The following CNTNAP5 variants were observed in gnomAD, a reference collection of about 807,000 sequenced individuals.
The protein encoded by CNTNAP5 is contactin-associated protein-like 5.
Under a neutral mutation model 150.2 loss-of-function variants are expected in CNTNAP5, and 72 were observed. The observed-to-expected ratio is 0.48, with a 90% CI of 0.40 to 0.58. CNTNAP5 has a LOEUF of 0.58. CNTNAP5 is among the 20% of genes least tolerant of loss of function. CNTNAP5 has a pLI of 0.00. For missense variants in CNTNAP5, 1,636 were observed against 1,626.2 expected (o/e 1.01, Z -0.10); for synonymous variants, 672 against 619.8 (o/e 1.08, Z -1.25).
intron 12 of CNTNAP5, among the ~76,000 whole-genome samples, chr2:124,611,829 A>G (rs1677390781): frequency 6.6e-6 from 1 of 152,190 alleles, no homozygotes; most frequent in African/African-American, 2.4e-5. Context: ...ATGGACAGCA[A>G]TTACTGAGCT....
chr2:124,292,025 T>C (rs1318399752), intron 3 of CNTNAP5, among the ~76,000 whole-genome samples: 1 of 152,152 alleles, frequency 6.6e-6, no homozygotes, highest in Non-Finnish European at 1.5e-5. Flanking sequence ...CTACACAGTT[T>C]TCATGTGGCC....
chr2:124,189,624 A>G (rs535530479), intron 1 of CNTNAP5, among the ~76,000 whole-genome samples: 1 of 152,320 alleles, frequency 6.6e-6, no homozygotes, highest in South Asian at 2.1e-4. Context: ...TAATTTTACC[A>G]ATGTCACTAA....
intron 1 of CNTNAP5, among the ~76,000 whole-genome samples, chr2:124,176,443 G>A (rs1399197754): frequency 1.3e-5 from 2 of 152,148 alleles, no homozygotes; most frequent in Non-Finnish European, 2.9e-5. Flanking sequence ...TAGTATAGGG[G>A]CCAAGGGAAA....
At chr2:124,231,905 A>G (rs1216396055) in intron 2 of CNTNAP5, among the ~76,000 whole-genome samples, 21 of 152,112 alleles carry the variant, frequency 1.4e-4, no homozygotes, top group Admixed American at 1.4e-3. Context: ...ATTATAGAAA[A>G]TTTGTTACTG....
At chr2:124,124,008 A>G (rs1025388597) in intron 1 of CNTNAP5, among the ~76,000 whole-genome samples, 13 of 152,208 alleles carry the variant, frequency 8.5e-5, no homozygotes, top group Non-Finnish European at 1.8e-4. Flanking sequence ...CTCCTCCTCC[A>G]AAGTAATGCA....
At chr2:124,522,511 G>T (rs1694868238) in intron 8 of CNTNAP5, among the ~76,000 whole-genome samples, 1 of 152,130 alleles carries the variant, frequency 6.6e-6, no homozygotes. Flanking sequence ...CCATCCTAGA[G>T]AGCCCTCATG....
chr2:124,860,407 C>T (rs937873849), intron 19 of CNTNAP5, among the ~76,000 whole-genome samples: 2 of 150,308 alleles, frequency 1.3e-5, no homozygotes, highest in East Asian at 2.0e-4. Flanking sequence ...TCCCTGCCTC[C>T]CTCTCTCCCT....
intron 1 of CNTNAP5, among the ~76,000 whole-genome samples, chr2:124,181,423 C>G (rs2104680643): frequency 6.6e-6 from 1 of 151,734 alleles, no homozygotes; most frequent in African/African-American, 2.4e-5. Flanking sequence ...TATAAATTAC[C>G]TATGTGCAAA....
intron 3 of CNTNAP5, among the ~76,000 whole-genome samples, chr2:124,407,709 A>G (rs879338832): frequency 1.5e-4 from 23 of 152,300 alleles, no homozygotes; most frequent in Middle Eastern, 6.8e-3. Flanking sequence ...ATTAGAGATA[A>G]AGATCATCTG....
intron 19 of CNTNAP5, among the ~76,000 whole-genome samples, chr2:124,839,422 A>ACTCT (rs1491428945): frequency 2.9e-5 from 4 of 135,852 alleles, no homozygotes; most frequent in African/African-American, 9.9e-5. Context: ...CAAAAATGAC[A>ACTCT]CACACTCTCT....
At chr2:124,746,365 A>G (rs953020660) in intron 13 of CNTNAP5, among the ~76,000 whole-genome samples, 2 of 152,218 alleles carry the variant, frequency 1.3e-5, no homozygotes, top group African/African-American at 4.8e-5. Context: ...AAAAATTGAG[A>G]AGGACAAGAC....
chr2:124,641,155 A>T (rs950186196), intron 12 of CNTNAP5, among the ~76,000 whole-genome samples: 1 of 151,012 alleles, frequency 6.6e-6, no homozygotes, highest in Non-Finnish European at 1.5e-5. Flanking sequence ...AAAAGACAAA[A>T]AAAAGGACGG....
intron 3 of CNTNAP5, among the ~76,000 whole-genome samples, chr2:124,303,062 T>A (rs1455609603): frequency 6.6e-6 from 1 of 152,194 alleles, no homozygotes; most frequent in Non-Finnish European, 1.5e-5. Context: ...ATCTAGCTTT[T>A]TGTATTTGAC....
Position 124,242,104 on chromosome 2 carries a change from A to T in CNTNAP5, c.188-96A>T, listed in dbSNP as rs538740793. On this transcript the variant is annotated intron_variant, in intron 2 of 23. Transcript: ENST00000682447. Reference sequence around the variant, plus strand: ...GCCCATTTGGGGGTAGAGTCATCTTAGTTGAACACTGTTTCATTTCCCTTT... The same window carrying T: ...GCCCATTTGGGGGTAGAGTCATCTTTGTTGAACACTGTTTCATTTCCCTTT... 1.8e-4 allele frequency: 180 copies of T among 978,878 alleles called. No homozygotes were observed. In the African/African-American group the frequency reaches 2.3e-3, roughly 12 times the overall value. 60.6% of individuals were successfully genotyped at this position (978,878 alleles called of 1,614,324 possible).
At chr2:124,636,795 C>T (rs1265105341) in intron 12 of CNTNAP5, among the ~76,000 whole-genome samples, 1 of 151,900 alleles carries the variant, frequency 6.6e-6, no homozygotes, top group African/African-American at 2.4e-5. Context: ...AGTTTTATTC[C>T]TAAATGTCCA....
At chr2:124,050,215 T>A (rs1573718029) in intron 1 of CNTNAP5, among the ~76,000 whole-genome samples, 1 of 152,070 alleles carries the variant, frequency 6.6e-6, no homozygotes, top group Non-Finnish European at 1.5e-5. Context: ...GTAATCCCAG[T>A]AATTTGGGAG....
intron 13 of CNTNAP5, among the ~76,000 whole-genome samples, chr2:124,656,022 G>GGAAGGAAT (rs1335652993): frequency 7.0e-6 from 1 of 142,190 alleles, no homozygotes; most frequent in Non-Finnish European, 1.5e-5. Flanking sequence ...AAGGAAGGAA[G>GGAAGGAAT]GGAGGGCACA....
chr2:124,903,599 A>G (rs749146567), intron 22 of CNTNAP5, among the ~76,000 whole-genome samples: 18 of 152,206 alleles, frequency 1.2e-4, no homozygotes, highest in Non-Finnish European at 2.2e-4. Flanking sequence ...TGTAATTACT[A>G]TCACAATTAA....
intron 6 of CNTNAP5, among the ~76,000 whole-genome samples, chr2:124,450,314 G>A (rs976228714): frequency 2.6e-5 from 4 of 151,026 alleles, no homozygotes; most frequent in African/African-American, 4.9e-5. Context: ...TTATATCAAA[G>A]CTAATATAAT....
Sources: gnomAD v4.1 joint callset for allele counts (sites outside exome capture counted in the v4.1 genomes callset) on GRCh38, gnomAD v4.1.1 for gene constraint, MANE v1.5 for transcripts, NCBI Gene and HGNC (gene_info 2026-07-23, HGNC 2026-07-21) for gene names.